The following CDH13 variants were observed in gnomAD, a reference collection of about 807,000 sequenced individuals.
CDH13 encodes cadherin-13.
A neutral mutation model predicts 63.8 loss-of-function variants in CDH13; 24 were observed. The observed-to-expected ratio is 0.38, with a 90% confidence interval of 0.27 to 0.53. The LOEUF (loss-of-function observed/expected upper bound fraction) is 0.53. CDH13 is among the 20% of genes least tolerant of loss of function. CDH13 has a pLI of 0.85. For synonymous variants in CDH13, 503 were observed against 355.3 expected (o/e 1.42, Z -4.67); for missense variants, 1,049 against 903.1 (o/e 1.16, Z -2.07).
chr16:82,895,365 C>G (rs1365084911), intron 2 of CDH13, among the ~76,000 whole-genome samples: 1 of 152,198 alleles, frequency 6.6e-6, no homozygotes, highest in Admixed American at 6.5e-5. Flanking sequence ...GGCTCAAACA[C>G]AAATTTGCCA....
chr16:83,524,341 A>G (rs1291056500), intron 7 of CDH13, among the ~76,000 whole-genome samples: 3 of 151,296 alleles, frequency 2.0e-5, no homozygotes, highest in Non-Finnish European at 2.9e-5. Context: ...TAACCACATT[A>G]TTATGGGTTC....
chr16:82,718,568 C>T (rs1375697216), intron 1 of CDH13, among the ~76,000 whole-genome samples: 1 of 152,158 alleles, frequency 6.6e-6, no homozygotes, highest in African/African-American at 2.4e-5. Context: ...CATTTTCACG[C>T]TGCTGATAAA....
intron 8 of CDH13, among the ~76,000 whole-genome samples, chr16:83,622,427 G>C (rs1176525204): frequency 6.6e-6 from 1 of 152,160 alleles, no homozygotes. Flanking sequence ...ACTCGGACGA[G>C]AAAGTCAAAA....
At chr16:83,046,678 G>T (rs948325334) in intron 3 of CDH13, among the ~76,000 whole-genome samples, 1 of 152,110 alleles carries the variant, frequency 6.6e-6, no homozygotes, top group African/African-American at 2.4e-5. Context: ...GATATTTGAG[G>T]GCTACTCAGA....
At chr16:83,585,918 A>G (rs1906112097) in intron 7 of CDH13, among the ~76,000 whole-genome samples, 2 of 152,164 alleles carry the variant, frequency 1.3e-5, no homozygotes, top group Non-Finnish European at 2.9e-5. Context: ...TACAGACCCA[A>G]GAGGTTGGGT....
chr16:83,601,625 G>C (rs1907803393), intron 7 of CDH13, among the ~76,000 whole-genome samples: 1 of 152,136 alleles, frequency 6.6e-6, no homozygotes. Context: ...TTGTTGAAAA[G>C]ATTAACAAGG....
At chr16:82,938,568 C>T (rs1197398168) in intron 2 of CDH13, among the ~76,000 whole-genome samples, 1 of 152,142 alleles carries the variant, frequency 6.6e-6, no homozygotes, top group Non-Finnish European at 1.5e-5. Context: ...CACCGTTGTC[C>T]AGAGTCTAAG....
At chr16:82,727,997 C>G (rs563842236) in intron 1 of CDH13, among the ~76,000 whole-genome samples, 6 of 152,166 alleles carry the variant, frequency 3.9e-5, no homozygotes, top group Non-Finnish European at 8.8e-5. Context: ...CGTATCTCAG[C>G]TTCTCTACTC....
chr16:82,773,875 C>T (rs1446430070), intron 1 of CDH13, among the ~76,000 whole-genome samples: 1 of 151,946 alleles, frequency 6.6e-6, no homozygotes, highest in Middle Eastern at 3.2e-3. Context: ...CCTCCGCCTC[C>T]CGGGTTCAAG....
At chr16:82,762,322 T>G (rs983484180) in intron 1 of CDH13, among the ~76,000 whole-genome samples, 1 of 152,248 alleles carries the variant, frequency 6.6e-6, no homozygotes, top group African/African-American at 2.4e-5. Flanking sequence ...TGTTATCTAC[T>G]ATTCATAAAA....
intron 6 of CDH13, among the ~76,000 whole-genome samples, chr16:83,473,409 G>T (rs995072165): frequency 6.6e-6 from 1 of 152,274 alleles, no homozygotes; most frequent in African/African-American, 2.4e-5. Context: ...TGAATTGTGT[G>T]GTATTTCACT....
chr16:83,236,235 A>G (rs1390545538), intron 5 of CDH13, among the ~76,000 whole-genome samples: 2 of 69,142 alleles, frequency 2.9e-5, no homozygotes, highest in Non-Finnish European at 5.5e-5. Context: ...ACACACGCAC[A>G]TGCACACACA....
chr16:83,283,844 A>G (rs1036998458), intron 5 of CDH13, among the ~76,000 whole-genome samples: 3 of 152,160 alleles, frequency 2.0e-5, no homozygotes, highest in Non-Finnish European at 4.4e-5. Context: ...ACTTGTAATA[A>G]TATCTTTATA....
chr16:83,583,901 A>G (rs1227901066), intron 7 of CDH13, among the ~76,000 whole-genome samples: 1 of 152,174 alleles, frequency 6.6e-6, no homozygotes, highest in Admixed American at 6.5e-5. Flanking sequence ...TGGATGACAG[A>G]GCAAGACTCT....
chr16:83,694,825 C>G (rs1241218512), intron 10 of CDH13, among the ~76,000 whole-genome samples: 1 of 152,182 alleles, frequency 6.6e-6, no homozygotes, highest in Non-Finnish European at 1.5e-5. Flanking sequence ...AAGCCAGGCC[C>G]TCATCTTGGT....
chr16:82,761,611 T>A (rs575671687), intron 1 of CDH13, among the ~76,000 whole-genome samples: 5 of 152,184 alleles, frequency 3.3e-5, no homozygotes, highest in African/African-American at 9.6e-5. Context: ...TAACTGGCAG[T>A]TTGTAGGCTT....
intron 13 of CDH13, among the ~76,000 whole-genome samples, chr16:83,791,626 C>T (rs1056195282): frequency 5.9e-5 from 9 of 151,820 alleles, no homozygotes; most frequent in African/African-American, 7.3e-5. Flanking sequence ...GCCTGACCAA[C>T]GTGGTGAAAC....
chr16:83,595,237 A>G (rs1907143642), intron 7 of CDH13, among the ~76,000 whole-genome samples: 1 of 152,236 alleles, frequency 6.6e-6, no homozygotes, highest in South Asian at 2.1e-4. Context: ...TCATTCCCTG[A>G]GAATAAATGA....
intron 8 of CDH13, among the ~76,000 whole-genome samples, chr16:83,622,424 C>T (rs765192045): frequency 4.6e-5 from 7 of 152,154 alleles, no homozygotes; most frequent in Non-Finnish European, 8.8e-5. Flanking sequence ...GAGACTCGGA[C>T]GAGAAAGTCA....
Sources: allele counts gnomAD v4.1 joint callset (sites outside exome capture counted in the v4.1 genomes callset), GRCh38; gene constraint gnomAD v4.1.1; transcripts MANE v1.5; gene names NCBI Gene and HGNC (gene_info 2026-07-23, HGNC 2026-07-21).